Variants in AUTS2 observed in about 807,000 individuals in gnomAD.
AUTS2 encodes autism susceptibility gene 2 protein.
In AUTS2, 17 loss-of-function variants were observed where a neutral mutation model predicts 112.4. The observed-to-expected ratio is 0.15, with a 90% confidence interval of 0.10 to 0.23. The LOEUF (loss-of-function observed/expected upper bound fraction) is 0.23. AUTS2 is among the 10% of genes least tolerant of loss of function. The pLI is 1.00. For synonymous variants in AUTS2, 751 were observed against 702.7 expected (o/e 1.07, Z -1.09); for missense variants, 1,510 against 1,701.6 (o/e 0.89, Z 1.98).
At chr7:70,156,150 C>T (rs1211527384) in intron 4 of AUTS2, among the ~76,000 whole-genome samples, 3 of 152,174 alleles carry the variant, frequency 2.0e-5, no homozygotes, top group Non-Finnish European at 2.9e-5. Flanking sequence ...GCCCTTACTT[C>T]TCCCACACTC....
At chr7:70,053,674 G>T (rs1002112597) in intron 2 of AUTS2, among the ~76,000 whole-genome samples, 1 of 151,588 alleles carries the variant, frequency 6.6e-6, no homozygotes, top group Non-Finnish European at 1.5e-5. Flanking sequence ...TGAACAACTT[G>T]GACTACAGGC....
At chr7:70,519,234 A>C (rs1799546873) in intron 5 of AUTS2, among the ~76,000 whole-genome samples, 1 of 152,174 alleles carries the variant, frequency 6.6e-6, no homozygotes, top group East Asian at 1.9e-4. Context: ...GGCCATGGAA[A>C]ATCAAAGGGA....
intron 5 of AUTS2, among the ~76,000 whole-genome samples, chr7:70,513,257 A>G (rs907824516): frequency 2.0e-5 from 3 of 152,232 alleles, no homozygotes; most frequent in African/African-American, 2.4e-5. Flanking sequence ...ATCAAGATTT[A>G]TGAAACCTCT....
intron 3 of AUTS2, among the ~76,000 whole-genome samples, chr7:70,128,773 C>G (rs551531139): frequency 2.0e-5 from 3 of 152,306 alleles, no homozygotes; most frequent in Admixed American, 1.3e-4. Flanking sequence ...TCTCACAGTT[C>G]TGGAGGCTAG....
chr7:70,513,970 A>T (rs994903400), intron 5 of AUTS2, among the ~76,000 whole-genome samples: 2 of 152,134 alleles, frequency 1.3e-5, no homozygotes, highest in Admixed American at 1.3e-4. Context: ...CCTTTCTTTT[A>T]AATCACCATA....
At chr7:69,793,861 G>A (rs1562887264) in intron 1 of AUTS2, among the ~76,000 whole-genome samples, 1 of 152,194 alleles carries the variant, frequency 6.6e-6, no homozygotes, top group African/African-American at 2.4e-5. Flanking sequence ...TAAATAGGCT[G>A]TCATTCAGAT....
intron 1 of AUTS2, among the ~76,000 whole-genome samples, chr7:69,754,561 T>C (rs774810388): frequency 6.6e-5 from 10 of 151,892 alleles, no homozygotes; most frequent in East Asian, 1.9e-4. Flanking sequence ...GTGAGTAGAG[T>C]AGAAATAGGA....
chr7:70,758,758 C>T (rs1398513261), intron 6 of AUTS2, among the ~76,000 whole-genome samples: 1 of 152,092 alleles, frequency 6.6e-6, no homozygotes, highest in African/African-American at 2.4e-5. Context: ...CAATACCAAG[C>T]GATTTCTTAA....
intron 5 of AUTS2, among the ~76,000 whole-genome samples, chr7:70,558,095 T>G (rs1297939312): frequency 1.3e-5 from 2 of 152,052 alleles, no homozygotes; most frequent in African/African-American, 2.4e-5. Context: ...TCTTCCTGGC[T>G]TCCATAAGCA....
At chr7:70,700,093 A>G (rs1464278033) in intron 6 of AUTS2, among the ~76,000 whole-genome samples, 2 of 152,228 alleles carry the variant, frequency 1.3e-5, no homozygotes, top group Non-Finnish European at 2.9e-5. Flanking sequence ...CTGCCCTGAA[A>G]GATTGTCTTC....
intron 4 of AUTS2, among the ~76,000 whole-genome samples, chr7:70,390,251 G>T (rs1381637428): frequency 6.6e-6 from 1 of 152,186 alleles, no homozygotes; most frequent in Non-Finnish European, 1.5e-5. Context: ...CCTCTGGTGG[G>T]CTTATTCAAA....
intron 5 of AUTS2, among the ~76,000 whole-genome samples, chr7:70,689,588 AAC>A (rs2129546185): frequency 6.6e-6 from 1 of 151,950 alleles, no homozygotes; most frequent in South Asian, 2.1e-4. Context: ...CATCCTGGCT[AAC>A]ACAGTGAAAC....
chr7:70,789,705 CTTTCA>C (rs1563201970), intron 18 of AUTS2, 38 bp from the exon 19 acceptor site: 2 of 1,584,038 alleles, frequency 1.3e-6, no homozygotes, highest in Admixed American at 1.7e-5. Flanking sequence ...CGACTCGCCC[CTTTCA>C]TTTCATCTGC....
chr7:70,765,046 C>A (rs769167826), intron 8 of AUTS2, 41 bp downstream of exon 8: 2 of 1,608,452 alleles, frequency 1.2e-6, no homozygotes, highest in South Asian at 2.2e-5. Context: ...CGACCCCCAC[C>A]GCCCCTCGCT....
intron 6 of AUTS2, among the ~76,000 whole-genome samples, chr7:70,758,312 C>G (rs1469133774): frequency 1.3e-5 from 2 of 152,178 alleles, no homozygotes; most frequent in East Asian, 3.9e-4. Context: ...TGTCTGTAGA[C>G]TAAATCCTTA....
chr7:69,805,022 T>C (rs1351409043), intron 1 of AUTS2, among the ~76,000 whole-genome samples: 1 of 152,202 alleles, frequency 6.6e-6, no homozygotes, highest in African/African-American at 2.4e-5. Flanking sequence ...AACTTTTATA[T>C]GAGAGAGGAC....
chr7:70,513,611 C>G (rs1014777207), intron 5 of AUTS2, among the ~76,000 whole-genome samples: 5 of 152,104 alleles, frequency 3.3e-5, no homozygotes, highest in Non-Finnish European at 7.4e-5. Context: ...CCAGACCTAA[C>G]CCCCTTATTA....
intron 6 of AUTS2, among the ~76,000 whole-genome samples, chr7:70,710,187 T>C (rs1363310480): frequency 6.7e-6 from 1 of 149,928 alleles, no homozygotes; most frequent in East Asian, 2.0e-4. Flanking sequence ...GTGGAATGAC[T>C]GTCATTTGGA....
chr7:70,756,128 A>G lies in AUTS2; in HGVS notation c.743-6742A>G, dbSNP rs565113069. On this transcript the variant is annotated intron_variant, in intron 6 of 18. Coordinates refer to ENST00000342771, the MANE Select transcript of AUTS2 (RefSeq NM_015570.4). ...CAGTCTCTTTTCTGTGCATACTTGTATACATTTACACACGTAGTTTTCACT... is the reference window on the plus strand; with the variant it reads ...CAGTCTCTTTTCTGTGCATACTTGTGTACATTTACACACGTAGTTTTCACT... 2.6e-5 allele frequency among the ~76,000 whole-genome samples: 4 copies of G among 152,326 alleles called. No homozygotes were observed. The South Asian group carries it at 6.2e-4, about 24-fold the overall frequency.
Sources: allele counts gnomAD v4.1 joint callset (sites outside exome capture counted in the v4.1 genomes callset), GRCh38; gene constraint gnomAD v4.1.1; transcripts MANE v1.5; gene names NCBI Gene and HGNC (gene_info 2026-07-23, HGNC 2026-07-21).